GOSR1: variants seen among roughly 807,000 people sequenced by gnomAD.
The protein encoded by GOSR1 is 28 kDa Golgi SNARE protein.
In GOSR1, 21 loss-of-function variants were observed where a neutral mutation model predicts 35.5. That is an observed-to-expected ratio of 0.59 (90% CI 0.42 to 0.85). The LOEUF is 0.85. Ranked by LOEUF, GOSR1 falls within the 40% of genes least tolerant of loss-of-function variation. The pLI is 0.00. For missense variants in GOSR1, 285 were observed against 309.6 expected, an observed-to-expected ratio of 0.92 and a Z score of 0.60; for synonymous variants, 94 against 106.6, an observed-to-expected ratio of 0.88 and a Z score of 0.73.
chr17:30,516,614 T>A (rs190400163), intron 7 of GOSR1, among the ~76,000 whole-genome samples: 14 of 152,306 alleles, frequency 9.2e-5, no homozygotes, highest in Admixed American at 5.2e-4. Context: ...AAGATGTTTG[T>A]TTCTGTAATT....
chr17:30,483,224 G>A (rs1374702509), intron 2 of GOSR1, among the ~76,000 whole-genome samples: 1 of 150,578 alleles, frequency 6.6e-6, no homozygotes, highest in South Asian at 2.1e-4. Flanking sequence ...CTGAATCCCA[G>A]TATTGTGAAG....
intron 4 of GOSR1, chr17:30,485,238 G>T: frequency 4.9e-5 from 9 of 183,410 alleles, no homozygotes; most frequent in South Asian, 3.0e-4. Flanking sequence ...TGGAGGATAT[G>T]TTAAAAATAT....
rs190744062 is a variant in GOSR1 at position 30,514,590 on chromosome 17, C to T, written c.539+3681C>T. Among the ~76,000 whole-genome samples, 18 of 152,290 alleles carry T rather than the reference C, an allele frequency of 1.2e-4. No homozygotes were observed. In the East Asian group the frequency reaches 3.1e-3, roughly 26 times the overall value. Reference sequence around the variant, plus strand: ...TGCTTCTAAAGTCCACAGTGGCATGCGTCTTTTCCAGTCCAATGCTCTGGG... The same window carrying T: ...TGCTTCTAAAGTCCACAGTGGCATGTGTCTTTTCCAGTCCAATGCTCTGGG... On this transcript the variant is annotated intron_variant, in intron 7 of 8. Coordinates refer to ENST00000451249, the MANE Select transcript of GOSR1 (RefSeq NM_001007025.2).
intron 7 of GOSR1, among the ~76,000 whole-genome samples, chr17:30,514,971 G>T (rs1967746260): frequency 6.6e-6 from 1 of 152,198 alleles, no homozygotes; most frequent in Admixed American, 6.5e-5. Flanking sequence ...AACATTAAAT[G>T]TAATTTTATT....
intron 6 of GOSR1, among the ~76,000 whole-genome samples, chr17:30,497,050 G>C (rs1967031664): frequency 6.6e-6 from 1 of 152,086 alleles, no homozygotes; most frequent in African/African-American, 2.4e-5. Flanking sequence ...TAATTTGTTG[G>C]TTTCCTAGAG....
chr17:30,497,792 C>T (rs1254180985), intron 6 of GOSR1, among the ~76,000 whole-genome samples: 2 of 152,228 alleles, frequency 1.3e-5, no homozygotes, highest in African/African-American at 2.4e-5. Flanking sequence ...GATGCAGTGG[C>T]TCACGCCTGT....
chr17:30,477,588 G>C, intron 1 of GOSR1, 124 bp downstream of exon 1: 1 of 1,404,444 alleles, frequency 7.1e-7, no homozygotes, highest in Non-Finnish European at 9.5e-7. Context: ...GAGCAGCGGG[G>C]CTTGCCTAAG....
chr17:30,488,683 T>G (rs1261739133), intron 4 of GOSR1, among the ~76,000 whole-genome samples: 1 of 151,766 alleles, frequency 6.6e-6, no homozygotes, highest in Admixed American at 6.6e-5. Flanking sequence ...GGACTACAGG[T>G]GCGTTCCACC....
intron 6 of GOSR1, among the ~76,000 whole-genome samples, chr17:30,509,090 C>T (rs1967520437): frequency 6.6e-6 from 1 of 152,134 alleles, no homozygotes. Flanking sequence ...ATTCTCCTGC[C>T]TCAGCCTCCC....
In GOSR1 at chr17:30,504,665, G is replaced by A. The variant is rs530114995; in HGVS notation, c.510-6215G>A. On this transcript the variant is annotated intron_variant, in intron 6 of 8. Coordinates refer to ENST00000451249, the MANE Select transcript of GOSR1 (RefSeq NM_001007025.2). ...TACCTAAGATGTATGTACTCATTAC[G>A]TAATGAGTACTAAAATTGGGTCTCA... Among the ~76,000 whole-genome samples, 13 of 152,254 alleles carry A rather than the reference G, an allele frequency of 8.5e-5. 1 individual carries two copies. The highest frequency in any genetic ancestry group is 2.4e-4 in the African/African-American group (10 of 41,552).
At chr17:30,505,254 G>T (rs9895767) in intron 6 of GOSR1, among the ~76,000 whole-genome samples, 10,189 of 152,032 alleles carry the variant, frequency 0.067, 392 homozygotes, top group African/African-American at 0.089. Flanking sequence ...ATAGAGAGAG[G>T]CCGGGTGTGG....
chr17:30,508,315 C>A (rs1374059601), intron 6 of GOSR1, among the ~76,000 whole-genome samples: 7 of 152,044 alleles, frequency 4.6e-5, no homozygotes, highest in Non-Finnish European at 1.0e-4. Flanking sequence ...TTGATTTGGG[C>A]AATATAAATC....
At position 30,492,758 on chromosome 17, in the gene GOSR1, G is replaced by A; in HGVS notation, c.509+5G>A. On this transcript the variant is annotated splice_donor_5th_base_variant and intron_variant, in intron 6 of 8. Coordinates refer to ENST00000451249, the MANE Select transcript of GOSR1 (RefSeq NM_001007025.2). ...AGAACATGACCACCTTCGAAAGTAG[G>A]TATTGAATGTATGTGCATTATGTGG... The A allele has an allele frequency of 6.6e-7, 1 of 1,518,596 alleles. No individual in the cohort carries two copies. Among genetic ancestry groups the A allele is most frequent in the Non-Finnish European group, 9.1e-7 (1 of 1,093,410 alleles). The allele number at this position is 1,518,596 out of a possible 1,614,324, so 94.1% of individuals were successfully genotyped here.
At chr17:30,497,806 T>G (rs922311423) in intron 6 of GOSR1, among the ~76,000 whole-genome samples, 6 of 152,216 alleles carry the variant, frequency 3.9e-5, no homozygotes, top group African/African-American at 1.4e-4. Flanking sequence ...CGCCTGTAAT[T>G]CCCGCGCTTT....
At chr17:30,504,644 T>G (rs1346370038) in intron 6 of GOSR1, among the ~76,000 whole-genome samples, 1 of 152,170 alleles carries the variant, frequency 6.6e-6, no homozygotes, top group Non-Finnish European at 1.5e-5. Context: ...AAAGTATACC[T>G]AAGATGTATG....
chr17:30,487,387 A>C (rs2143655941), intron 4 of GOSR1, among the ~76,000 whole-genome samples: 1 of 152,292 alleles, frequency 6.6e-6, no homozygotes, highest in South Asian at 2.1e-4. Context: ...AGCAGAAAGG[A>C]CTTTCTAAAT....
intron 1 of GOSR1, chr17:30,477,677 G>C: frequency 1.0e-6 from 1 of 985,356 alleles, no homozygotes; most frequent in Non-Finnish European, 1.2e-6. Context: ...AGCGGGACGT[G>C]GGGCAGGGGT....
chr17:30,499,342 C>CTTTTTTTT (rs3039523), intron 6 of GOSR1, among the ~76,000 whole-genome samples: 1 of 133,752 alleles, frequency 7.5e-6, no homozygotes, highest in Non-Finnish European at 1.6e-5. Context: ...TCTCATTCCT[C>CTTTTTTTT]TTTTTTTTTT....
chr17:30,505,811 C>G (rs1170470359), intron 6 of GOSR1, among the ~76,000 whole-genome samples: 1 of 152,184 alleles, frequency 6.6e-6, no homozygotes, highest in African/African-American at 2.4e-5. Context: ...CCACTGCAAC[C>G]TCCACCTTGT....
Sources: gnomAD v4.1 joint callset for allele counts (sites outside exome capture counted in the v4.1 genomes callset) on GRCh38, gnomAD v4.1.1 for gene constraint, MANE v1.5 for transcripts, NCBI Gene and HGNC (gene_info 2026-07-23, HGNC 2026-07-21) for gene names.